CDH23: variants seen among roughly 807,000 people sequenced by gnomAD.
The protein encoded by CDH23 is cadherin-23.
CDH23 carries 189 observed loss-of-function variants against 317.1 expected under a neutral mutation model. The observed-to-expected ratio is 0.60, with a 90% CI of 0.53 to 0.67. CDH23 has a LOEUF of 0.67. Among genes scored for constraint, CDH23 ranks in the 30% least tolerant of loss-of-function variants. The pLI, the probability that CDH23 is intolerant of heterozygous loss-of-function variation, is 0.00. For synonymous variants in CDH23, 1,839 were observed against 1,876.8 expected (o/e 0.98, Z 0.52); for missense variants, 4,401 against 4,592.4 (o/e 0.96, Z 1.20).
intron 28 of CDH23, among the ~76,000 whole-genome samples, chr10:71,721,380 T>C (rs1348722717): frequency 6.6e-6 from 1 of 152,164 alleles, no homozygotes; most frequent in African/African-American, 2.4e-5. Context: ...ATCACTCATG[T>C]TGACCTTCAC....
intron 9 of CDH23, among the ~76,000 whole-genome samples, chr10:71,590,905 A>G (rs933044116): frequency 6.7e-6 from 1 of 148,464 alleles, no homozygotes; most frequent in Non-Finnish European, 1.5e-5. Context: ...AACAAAAAAA[A>G]ACACCAGTCT....
chr10:71,728,196 C>G lies in CDH23; in HGVS notation c.3580-2273C>G, dbSNP rs950894568. Among the ~76,000 whole-genome samples the G allele has an allele frequency of 1.8e-4, 28 of 152,254 alleles. 1 individual carries two copies. Among genetic ancestry groups the G allele is most frequent in the Admixed American group, 9.8e-4 (15 of 15,298 alleles). On this transcript the variant is annotated intron_variant, in intron 30 of 69. Coordinates refer to ENST00000224721, the MANE Select transcript of CDH23 (RefSeq NM_022124.6). ...AAATTCATCCATGCAAACTCCCCCC[C>G]GCACCCACCCTACCCAGGATCTTCC...
chr10:71,808,075 G>A lies in CDH23; in HGVS notation c.8722+68G>A, dbSNP rs1841794418. On this transcript the variant is annotated intron_variant, in intron 60 of 69. Coordinates refer to ENST00000224721, the MANE Select transcript of CDH23 (RefSeq NM_022124.6). ...TCAGTCACTGCATGGACTGTCATCT[G>A]GGGGGAGATGGGGTCTGTGGGAGCA... 4 of 1,532,430 alleles carry A rather than the reference G, an allele frequency of 2.6e-6. No homozygotes were observed. In the Admixed American group the frequency reaches 5.9e-5, roughly 23 times the overall value. The allele number at this position is 1,532,430 out of a possible 1,614,324, so 94.9% of individuals were successfully genotyped here.
chr10:71,721,781 G>A (rs1866570218), intron 28 of CDH23, among the ~76,000 whole-genome samples: 1 of 152,160 alleles, frequency 6.6e-6, no homozygotes, highest in Admixed American at 6.5e-5. Context: ...CAGGGCATCA[G>A]TGCTGCTGAT....
rs536597476 is a variant in CDH23 at position 71,791,579 on chromosome 10, C to CTT, written c.6253+256_6253+257dup. 2.8e-5 allele frequency among the ~76,000 whole-genome samples: 4 copies of CTT among 144,548 alleles called. No homozygotes were observed. The East Asian group carries it at 7.9e-4, about 29-fold the overall frequency. The allele number at this position is 144,548 out of a possible 152,430, so 94.8% of individuals were successfully genotyped here. ...CCTTTCTTTCTTTTTCTTTTCTTTTCTTTTTTTTTTTTTAAGACGGAGTTT... is the reference window on the plus strand; with the variant it reads ...CCTTTCTTTCTTTTTCTTTTCTTTTCTTTTTTTTTTTTTTTAAGACGGAGTTT... On this transcript the variant is annotated intron_variant, in intron 47 of 69. Coordinates refer to ENST00000224721, the MANE Select transcript of CDH23 (RefSeq NM_022124.6).
Position 71,690,521 on chromosome 10 carries a change from G to A in CDH23, c.2113G>A (p.Gly705Ser), listed in dbSNP as rs752870162. Residue 705 changes from glycine (G) to serine (S), a missense_variant, in exon 20 of 70, where the codon GGC becomes AGC. Around this residue, in one of 3 missense-constraint regions of CDH23, gnomAD observed 3,068 missense variants for 3,203.3 expected, o/e 0.96. Coordinates refer to ENST00000224721, the MANE Select transcript of CDH23 (RefSeq NM_022124.6). ...ATDLDRSREY[G>S]QESIIYSLEG... ...AGACCTGGACCGCTCCCGGGAGTAC[G>A]GCCAGGAGTCCATCATCTACTCCTT... 10 of 1,611,508 alleles carry A rather than the reference G, an allele frequency of 6.2e-6. No homozygotes were observed. The highest frequency in any genetic ancestry group is 5.3e-5 in the African/African-American group (4 of 74,852).
At chr10:71,457,130 G>T (rs1850734966) in intron 3 of CDH23, among the ~76,000 whole-genome samples, 1 of 152,224 alleles carries the variant, frequency 6.6e-6, no homozygotes, top group Non-Finnish European at 1.5e-5. Context: ...GGCCTTGATT[G>T]GTTGGGTTTT....
chr10:71,617,660 A>C, intron 11 of CDH23: 1 of 462,670 alleles, frequency 2.2e-6, no homozygotes, highest in Non-Finnish European at 2.8e-6. Context: ...CATCATACTA[A>C]TCTAGTAGGG....
intron 11 of CDH23, among the ~76,000 whole-genome samples, chr10:71,619,838 C>A (rs541233835): frequency 9.9e-5 from 15 of 152,250 alleles, no homozygotes; most frequent in Admixed American, 5.9e-4. Context: ...TGTGTGGGGG[C>A]AGCACAAGCT....
At chr10:71,416,619 A>G (rs1339264962) in intron 1 of CDH23, among the ~76,000 whole-genome samples, 2 of 150,816 alleles carry the variant, frequency 1.3e-5, no homozygotes, top group African/African-American at 4.9e-5. Context: ...TGGATCTGCT[A>G]TTGAATTTTT....
intron 6 of CDH23, among the ~76,000 whole-genome samples, chr10:71,561,054 TCTC>T (rs1208611663): frequency 6.6e-6 from 1 of 151,564 alleles, no homozygotes; most frequent in East Asian, 1.9e-4. Flanking sequence ...TTTCTCTCTC[TCTC>T]CTATCTTCCT....
At chr10:71,730,331 C>G in intron 30 of CDH23, 138 bp from the exon 31 acceptor site, 2 of 1,063,886 alleles carry the variant, frequency 1.9e-6, no homozygotes, top group Non-Finnish European at 2.6e-6. Context: ...ACCCACCAGA[C>G]AGGCCTGGGG....
intron 18 of CDH23, among the ~76,000 whole-genome samples, chr10:71,683,273 C>T (rs1864729810): frequency 6.6e-6 from 1 of 152,240 alleles, no homozygotes; most frequent in Admixed American, 6.5e-5. Context: ...TGGGAGACAG[C>T]GAACGCGTGT....
At chr10:71,448,454 G>A (rs1850277176) in intron 3 of CDH23, among the ~76,000 whole-genome samples, 1 of 152,208 alleles carries the variant, frequency 6.6e-6, no homozygotes, top group African/African-American at 2.4e-5. Flanking sequence ...GGTGCCATAG[G>A]ATTGAGAGGG....
intron 22 of CDH23, among the ~76,000 whole-genome samples, chr10:71,701,509 G>C (rs1401764438): frequency 6.6e-6 from 1 of 152,102 alleles, no homozygotes. Context: ...GAAGGGGCCA[G>C]AGTGTCTGAG....
At chr10:71,734,379 C>T (rs1223757489) in intron 33 of CDH23, 38 bp downstream of exon 33, 3 of 1,561,110 alleles carry the variant, frequency 1.9e-6, no homozygotes, top group Non-Finnish European at 1.7e-6. Context: ...CAGGTGCGGC[C>T]CATCGCTGGC....
intron 1 of CDH23, among the ~76,000 whole-genome samples, chr10:71,433,691 T>A (rs1472727462): frequency 6.6e-6 from 1 of 151,778 alleles, no homozygotes; most frequent in Non-Finnish European, 1.5e-5. Context: ...GCCTCTCCTG[T>A]CCTAGCTAAT....
Position 71,805,901 on chromosome 10 carries a change from G to C in CDH23, c.7968G>C (p.Ala2656=), listed in dbSNP as rs775852686. Residue 2656 remains alanine, a synonymous_variant, in exon 56 of 70, where the codon GCG becomes GCC. Coordinates refer to ENST00000224721, the MANE Select transcript of CDH23 (RefSeq NM_022124.6). ...GAVRYSFLKT[A]GNRDWEFFII... ...TGCGCTACAGCTTCCTGAAGACTGC[G>C]GGCAACCGGGACTGGGAGTTCTTCA... 3 of 1,613,638 alleles carry C rather than the reference G, an allele frequency of 1.9e-6. No individual in the cohort carries two copies. The highest frequency in any genetic ancestry group is 2.5e-6 in the Non-Finnish European group (3 of 1,179,796).
intron 3 of CDH23, among the ~76,000 whole-genome samples, chr10:71,507,811 T>G (rs1003118781): frequency 6.6e-6 from 1 of 152,216 alleles, no homozygotes; most frequent in African/African-American, 2.4e-5. Context: ...TGTGCTTGGT[T>G]TATCTGTGAC....
Sources: allele counts gnomAD v4.1 joint callset (sites outside exome capture counted in the v4.1 genomes callset), GRCh38; gene constraint gnomAD v4.1.1; regional missense constraint gnomAD v4.1.1; transcripts MANE v1.5; gene names NCBI Gene and HGNC (gene_info 2026-07-23, HGNC 2026-07-21).